Variants in GPHN observed in about 807,000 individuals in gnomAD.
GPHN encodes the protein gephyrin.
GPHN carries 17 observed loss-of-function variants against 95.5 expected under a neutral mutation model. The ratio of observed to expected loss-of-function variants is 0.18; its 90% CI spans 0.12 to 0.27. The LOEUF is 0.27. Among genes scored for constraint, GPHN ranks in the 10% least tolerant of loss-of-function variants. The pLI is 1.00. For missense variants in GPHN, 660 were observed against 978.1 expected, an observed-to-expected ratio of 0.67 and a Z score of 4.34; for synonymous variants, 320 against 322.5, an observed-to-expected ratio of 0.99 and a Z score of 0.08.
the GPHN span, among the ~76,000 whole-genome samples, chr14:67,732,607 G>A: frequency 3.6e-4 from 54 of 150,402 alleles, 2 homozygotes; most frequent in South Asian, 8.9e-3. Flanking sequence ...ACGGAGTTTC[G>A]GTCTTGTCGC....
the GPHN span, among the ~76,000 whole-genome samples, chr14:67,496,419 T>TTTTTG: frequency 7.6e-6 from 1 of 132,148 alleles, no homozygotes; most frequent in Non-Finnish European, 1.6e-5. Flanking sequence ...TTTTTTTTTT[T>TTTTTG]TTGAGACAGG....
At chr14:67,556,586 G>C in the GPHN span, among the ~76,000 whole-genome samples, 1 of 152,142 alleles carries the variant, frequency 6.6e-6, no homozygotes, top group East Asian at 1.9e-4. Flanking sequence ...CCCTGCACCA[G>C]CTTTTAAATA....
chr14:67,639,878 T>C, the GPHN span, among the ~76,000 whole-genome samples: 18,723 of 147,102 alleles, frequency 0.13, 1,440 homozygotes, highest in South Asian at 0.33. Flanking sequence ...TGAGCCGAGA[T>C]TGTGCCACTG....
chr14:66,864,274 C>T (rs527704485), intron 4 of GPHN, among the ~76,000 whole-genome samples: 13 of 152,278 alleles, frequency 8.5e-5, no homozygotes, highest in South Asian at 6.2e-4. Flanking sequence ...GATATCATTT[C>T]ACCCCAATTA....
At chr14:67,204,917 C>T in the GPHN span, 4 of 1,613,844 alleles carry the variant, frequency 2.5e-6, no homozygotes, top group Non-Finnish European at 2.5e-6. Context: ...ACAGATGTCA[C>T]AGATCTTCCA....
the GPHN span, chr14:67,569,033 A>T: frequency 1.4e-6 from 1 of 699,480 alleles, no homozygotes; most frequent in Non-Finnish European, 2.4e-6. Flanking sequence ...ACTGCCCCCC[A>T]CAGGTCTGCC....
the GPHN span, chr14:67,225,375 T>A: frequency 3.1e-6 from 2 of 640,800 alleles, no homozygotes; most frequent in Non-Finnish European, 2.4e-6. Flanking sequence ...TATTCTACTG[T>A]AGTAACAATA....
At chr14:66,799,072 C>A (rs1181396038) in intron 3 of GPHN, among the ~76,000 whole-genome samples, 1 of 151,826 alleles carries the variant, frequency 6.6e-6, no homozygotes, top group African/African-American at 2.4e-5. Context: ...TTAATTGACC[C>A]AGTGGTCATT....
intron 1 of GPHN, among the ~76,000 whole-genome samples, chr14:66,601,221 A>G (rs2140838500): frequency 6.6e-6 from 1 of 152,156 alleles, no homozygotes; most frequent in Middle Eastern, 3.4e-3. Flanking sequence ...TTGCTCAAAT[A>G]ACTAAATTTA....
At chr14:67,115,317 C>CA (rs892838868) in intron 16 of GPHN, among the ~76,000 whole-genome samples, 22 of 148,636 alleles carry the variant, frequency 1.5e-4, no homozygotes, top group South Asian at 6.4e-4. Context: ...AAAACAATAG[C>CA]AAAAAAAAAA....
intron 10 of GPHN, among the ~76,000 whole-genome samples, chr14:67,045,396 G>A (rs767899062): frequency 7.9e-5 from 12 of 151,740 alleles, no homozygotes; most frequent in Middle Eastern, 3.4e-3. Flanking sequence ...CTCCCTCTCT[G>A]TCTCTCTCTC....
intron 1 of GPHN, among the ~76,000 whole-genome samples, chr14:66,577,559 T>C (rs1435002211): frequency 6.6e-6 from 1 of 152,138 alleles, no homozygotes; most frequent in Non-Finnish European, 1.5e-5. Context: ...TATGGCAAGA[T>C]TTGTCAACCA....
intron 17 of GPHN, among the ~76,000 whole-genome samples, chr14:67,123,715 G>A (rs932619442): frequency 5.3e-5 from 8 of 152,210 alleles, no homozygotes; most frequent in South Asian, 4.1e-4. Flanking sequence ...TCTCCAACCC[G>A]TGGCCCATGG....
At chr14:66,776,881 GT>G (rs1339556679) in intron 3 of GPHN, among the ~76,000 whole-genome samples, 1 of 1,742 alleles carries the variant, frequency 5.7e-4, no homozygotes. Context: ...TTAAATATCA[GT>G]CTTTTTTTTA....
intron 1 of GPHN, among the ~76,000 whole-genome samples, chr14:66,621,104 A>G (rs1202530607): frequency 1.3e-5 from 2 of 150,830 alleles, no homozygotes; most frequent in South Asian, 2.1e-4. Context: ...AGCTGGGACT[A>G]CAAGCATCCA....
chr14:66,989,509 A>G (rs1054990723), intron 9 of GPHN, among the ~76,000 whole-genome samples: 2 of 151,948 alleles, frequency 1.3e-5, no homozygotes, highest in African/African-American at 4.8e-5. Context: ...GCCATTATTT[A>G]ATTTCTTTTT....
At chr14:67,656,892 T>C in the GPHN span, among the ~76,000 whole-genome samples, 1 of 152,288 alleles carries the variant, frequency 6.6e-6, no homozygotes, top group South Asian at 2.1e-4. Context: ...TCTGAACTGG[T>C]CCATGTGCCT....
chr14:67,374,379 A>G, the GPHN span: 9 of 653,232 alleles, frequency 1.4e-5, no homozygotes, highest in South Asian at 1.8e-4. Context: ...AAGTATGCCA[A>G]TCAAACACTT....
the GPHN span, among the ~76,000 whole-genome samples, chr14:67,355,883 C>G: frequency 6.6e-6 from 1 of 151,856 alleles, no homozygotes; most frequent in African/African-American, 2.4e-5. Flanking sequence ...ACCGGTAATC[C>G]CATATACAAA....
Sources: allele counts gnomAD v4.1 joint callset (sites outside exome capture counted in the v4.1 genomes callset), GRCh38; gene constraint gnomAD v4.1.1; transcripts MANE v1.5; gene names NCBI Gene and HGNC (gene_info 2026-07-23, HGNC 2026-07-21).